MCC: variants seen among roughly 807,000 people sequenced by gnomAD.
MCC encodes colorectal mutant cancer protein.
Under a neutral mutation model 116.2 loss-of-function variants are expected in MCC, and 90 were observed. That is an observed-to-expected ratio of 0.77 (90% confidence interval 0.65 to 0.92). The LOEUF (loss-of-function observed/expected upper bound fraction) is 0.92. MCC is among the 40% of genes least tolerant of loss of function. MCC has a pLI of 0.00. For synonymous variants in MCC, 578 were observed against 510.5 expected, an observed-to-expected ratio of 1.13 and a Z score of -1.78; for missense variants, 1,516 against 1,312.2, an observed-to-expected ratio of 1.16 and a Z score of -2.40.
At chr5:113,479,361 T>C (rs1200945818) in intron 1 of MCC, among the ~76,000 whole-genome samples, 1 of 152,206 alleles carries the variant, frequency 6.6e-6, no homozygotes, top group Non-Finnish European at 1.5e-5. Flanking sequence ...AAACTTGTGT[T>C]ATGAAAATCA....
chr5:113,391,527 C>T (rs1429099337), intron 1 of MCC, among the ~76,000 whole-genome samples: 3 of 151,932 alleles, frequency 2.0e-5, no homozygotes, highest in Non-Finnish European at 4.4e-5. Flanking sequence ...CTAGCCCGGG[C>T]AACAAAGTGA....
At chr5:113,408,470 T>C (rs976683608) in intron 1 of MCC, among the ~76,000 whole-genome samples, 2 of 152,204 alleles carry the variant, frequency 1.3e-5, no homozygotes, top group African/African-American at 4.8e-5. Context: ...TAAATTCTTT[T>C]CAGCCCAATC....
intron 2 of MCC, among the ~76,000 whole-genome samples, chr5:113,365,550 C>G (rs1768665157): frequency 6.6e-6 from 1 of 152,218 alleles, no homozygotes; most frequent in Admixed American, 6.5e-5. Flanking sequence ...CTGCCCATTA[C>G]CCAGTTCCAA....
intron 1 of MCC, among the ~76,000 whole-genome samples, chr5:113,443,068 G>C (rs1771091299): frequency 6.6e-6 from 1 of 152,166 alleles, no homozygotes; most frequent in Admixed American, 6.6e-5. Context: ...GGATGGCATT[G>C]AATCTATAAA....
chr5:113,272,488 TA>T (rs1765653051), intron 3 of MCC, among the ~76,000 whole-genome samples: 1 of 152,246 alleles, frequency 6.6e-6, no homozygotes, highest in Non-Finnish European at 1.5e-5. Flanking sequence ...TTCTTCAATT[TA>T]AAATTGGGCT....
At chr5:113,170,692 C>A (rs1376719979) in intron 3 of MCC, among the ~76,000 whole-genome samples, 1 of 152,160 alleles carries the variant, frequency 6.6e-6, no homozygotes, top group Non-Finnish European at 1.5e-5. Context: ...AAATTCATCT[C>A]TAACATACTT....
In MCC at chr5:113,294,420, A is replaced by G. The variant is rs201530422; in HGVS notation, c.627+46099T>C. On this transcript the variant is annotated intron_variant, in intron 3 of 18. Transcript: ENST00000408903. Reference sequence around the variant, plus strand: ...TTCAGAGCTGGGCTCTCAGTCCCCCAGGTCTCGGAGCTTAAGAGTTGGACT... The same window carrying G: ...TTCAGAGCTGGGCTCTCAGTCCCCCGGGTCTCGGAGCTTAAGAGTTGGACT... 12 of 1,603,020 alleles carry G rather than the reference A, an allele frequency of 7.5e-6. No homozygotes were observed. The East Asian group carries it at 2.5e-4, about 34-fold the overall frequency.
intron 3 of MCC, among the ~76,000 whole-genome samples, chr5:113,269,821 A>C (rs1581345478): frequency 6.6e-6 from 1 of 152,348 alleles, no homozygotes; most frequent in South Asian, 2.1e-4. Flanking sequence ...CCCCACTGAC[A>C]GACTGCTTTT....
chr5:113,421,726 T>C (rs1184635464), intron 1 of MCC, among the ~76,000 whole-genome samples: 2 of 152,214 alleles, frequency 1.3e-5, no homozygotes, highest in Non-Finnish European at 2.9e-5. Context: ...TAAATAAACA[T>C]CCACGGAGCT....
intron 1 of MCC, among the ~76,000 whole-genome samples, chr5:113,484,146 T>G (rs1037649647): frequency 1.3e-5 from 2 of 151,980 alleles, no homozygotes; most frequent in African/African-American, 2.4e-5. Context: ...TCCATAACTA[T>G]AGTGGGCACT....
At chr5:113,386,014 C>G (rs1276379400) in intron 1 of MCC, among the ~76,000 whole-genome samples, 1 of 152,124 alleles carries the variant, frequency 6.6e-6, no homozygotes, top group Non-Finnish European at 1.5e-5. Context: ...TAACCCTATG[C>G]TGACCAAGAA....
intron 3 of MCC, among the ~76,000 whole-genome samples, chr5:113,260,700 T>C (rs1376822925): frequency 6.6e-6 from 1 of 152,086 alleles, no homozygotes; most frequent in Non-Finnish European, 1.5e-5. Context: ...AAAATACTGG[T>C]TAACTGAGTT....
intron 8 of MCC, among the ~76,000 whole-genome samples, chr5:113,089,914 ACCAGAGCTGACAATGT>A (rs1365037403): frequency 6.6e-6 from 1 of 152,196 alleles, no homozygotes; most frequent in Non-Finnish European, 1.5e-5. Flanking sequence ...GAAAGAAATG[ACCAGAGCTGACAATGT>A]CCGGAGCTGA....
chr5:113,212,909 C>G (rs1325962120), intron 3 of MCC, among the ~76,000 whole-genome samples: 1 of 152,208 alleles, frequency 6.6e-6, no homozygotes, highest in Non-Finnish European at 1.5e-5. Flanking sequence ...CCTACTAATA[C>G]CTTTCATTCT....
intron 3 of MCC, among the ~76,000 whole-genome samples, chr5:113,210,420 TAAC>T (rs1763088768): frequency 2.4e-5 from 1 of 41,594 alleles, no homozygotes; most frequent in African/African-American, 7.5e-5. Flanking sequence ...AATATAAGCT[TAAC>T]AACATCTTCC....
At chr5:113,356,063 A>ATT (rs5870538) in intron 2 of MCC, among the ~76,000 whole-genome samples, 26,831 of 140,150 alleles carry the variant, frequency 0.19, 3,068 homozygotes, top group Admixed American at 0.31. Context: ...GGCAAGGTGT[A>ATT]TTTTTTTTTT....
At chr5:113,080,186 C>T (rs1284839918) in intron 11 of MCC, among the ~76,000 whole-genome samples, 2 of 152,212 alleles carry the variant, frequency 1.3e-5, no homozygotes, top group African/African-American at 4.8e-5. Flanking sequence ...GAAACAGGAA[C>T]ACTTTTACAC....
intron 5 of MCC, among the ~76,000 whole-genome samples, chr5:113,129,530 G>C (rs115834990): frequency 6.6e-6 from 1 of 152,190 alleles, no homozygotes; most frequent in Non-Finnish European, 1.5e-5. Context: ...GCTTTCTGGT[G>C]AGGGCTCTTC....
At chr5:113,451,983 CAT>C (rs1424547173) in intron 1 of MCC, among the ~76,000 whole-genome samples, 3 of 152,336 alleles carry the variant, frequency 2.0e-5, no homozygotes, top group Non-Finnish European at 4.4e-5. Context: ...GCTTCACCCC[CAT>C]GTTTGGCTGT....
Sources: gnomAD v4.1 joint callset for allele counts (sites outside exome capture counted in the v4.1 genomes callset) on GRCh38, gnomAD v4.1.1 for gene constraint, MANE v1.5 for transcripts, NCBI Gene and HGNC (gene_info 2026-07-23, HGNC 2026-07-21) for gene names.